The following PVT1 variants were observed in gnomAD, a reference collection of about 807,000 sequenced individuals.
The protein encoded by PVT1 is CXCR4/PVT1 fusion.
intron 3 of PVT1, among the ~76,000 whole-genome samples, chr8:127,987,162 A>G (rs1274989099): frequency 6.6e-6 from 1 of 152,220 alleles, no homozygotes; most frequent in African/African-American, 2.4e-5. Context: ...AATGTCCTCT[A>G]CAGAATTTGC....
At chr8:127,809,055 AG>A (rs369081843) in intron 2 of PVT1, among the ~76,000 whole-genome samples, 14,892 of 101,492 alleles carry the variant, frequency 0.15, 1,649 homozygotes, top group Non-Finnish European at 0.21. Flanking sequence ...AAAAAAAAAA[AG>A]AAAGAAAAAA....
chr8:127,988,680 A>C (rs894814059), intron 3 of PVT1, among the ~76,000 whole-genome samples: 1 of 152,244 alleles, frequency 6.6e-6, no homozygotes, highest in African/African-American at 2.4e-5. Flanking sequence ...CAACAAAATT[A>C]ATCTGATGCA....
At chr8:128,080,935 G>T (rs2130151389) in intron 5 of PVT1, among the ~76,000 whole-genome samples, 1 of 152,212 alleles carries the variant, frequency 6.6e-6, no homozygotes, top group South Asian at 2.1e-4. Context: ...ATGAATGTCT[G>T]GTTGTTTCAG....
intron 3 of PVT1, among the ~76,000 whole-genome samples, chr8:127,924,463 A>C (rs1180308844): frequency 6.7e-6 from 1 of 148,858 alleles, no homozygotes; most frequent in Non-Finnish European, 1.5e-5. Flanking sequence ...CCTCCCGAGT[A>C]GCTGAGACTA....
intron 3 of PVT1, among the ~76,000 whole-genome samples, chr8:127,985,008 TCCTTCCTTC>T (rs1816946640): frequency 7.3e-6 from 1 of 137,472 alleles, no homozygotes; most frequent in Admixed American, 7.2e-5. Context: ...CTTCCTTCCT[TCCTTCCTTC>T]CTTCCTTCCT....
intron 2 of PVT1, among the ~76,000 whole-genome samples, chr8:127,879,579 G>C (rs114591716): frequency 6.6e-6 from 1 of 152,060 alleles, no homozygotes; most frequent in African/African-American, 2.4e-5. Flanking sequence ...CAAAGTCTCC[G>C]GAGGCAGTGC....
chr8:128,037,042 C>G (rs1212587770), intron 4 of PVT1, among the ~76,000 whole-genome samples: 1 of 152,212 alleles, frequency 6.6e-6, no homozygotes, highest in Non-Finnish European at 1.5e-5. Context: ...TGCCTGGGCC[C>G]CTCTCCTCCT....
chr8:128,021,540 T>G (rs540160371), intron 4 of PVT1, among the ~76,000 whole-genome samples: 2,700 of 151,964 alleles, frequency 0.018, 84 homozygotes, highest in African/African-American at 0.061. Flanking sequence ...TGATCCGCCC[T>G]CCTCGGCCTC....
chr8:128,068,199 G>A (rs1275058161), intron 4 of PVT1, among the ~76,000 whole-genome samples: 1 of 151,460 alleles, frequency 6.6e-6, no homozygotes, highest in African/African-American at 2.4e-5. Flanking sequence ...TTCATTTGTT[G>A]TTCCTGTTTT....
At chr8:127,929,909 C>T (rs1022856462) in intron 3 of PVT1, among the ~76,000 whole-genome samples, 24 of 152,248 alleles carry the variant, frequency 1.6e-4, no homozygotes, top group African/African-American at 5.8e-4. Flanking sequence ...TGGCTGGGAG[C>T]GTTAGATGTT....
intron 3 of PVT1, among the ~76,000 whole-genome samples, chr8:127,920,366 A>C (rs1816041777): frequency 6.6e-6 from 1 of 152,240 alleles, no homozygotes; most frequent in African/African-American, 2.4e-5. Context: ...TCTGTGGGTT[A>C]CCCAGAAGCC....
chr8:127,919,059 T>G (rs1421639077), intron 3 of PVT1, among the ~76,000 whole-genome samples: 1 of 152,194 alleles, frequency 6.6e-6, no homozygotes, highest in African/African-American at 2.4e-5. Context: ...GTGAAGGCAG[T>G]GCGCGTTGGG....
chr8:127,895,448 G>C (rs1050060393), intron 3 of PVT1, among the ~76,000 whole-genome samples: 2 of 152,000 alleles, frequency 1.3e-5, no homozygotes, highest in Admixed American at 6.6e-5. Flanking sequence ...TCCAGCCTGC[G>C]TGACAAACTG....
intron 5 of PVT1, among the ~76,000 whole-genome samples, chr8:128,084,259 C>T (rs1005414390): frequency 7.9e-5 from 12 of 152,192 alleles, no homozygotes; most frequent in Non-Finnish European, 1.5e-4. Context: ...CCACTTTCCC[C>T]CTTGTTTATT....
chr8:127,907,354 C>T (rs912150324), intron 3 of PVT1, among the ~76,000 whole-genome samples: 1 of 152,184 alleles, frequency 6.6e-6, no homozygotes, highest in Non-Finnish European at 1.5e-5. Context: ...TGACAGGGCT[C>T]TGGTCCCAGA....
At chr8:128,012,571 C>T (rs1215212952) in intron 4 of PVT1, among the ~76,000 whole-genome samples, 1 of 152,170 alleles carries the variant, frequency 6.6e-6, no homozygotes, top group Non-Finnish European at 1.5e-5. Flanking sequence ...CCAACGTTGG[C>T]CCTGTTGGGT....
At chr8:127,885,159 G>A (rs1035428722) in intron 2 of PVT1, among the ~76,000 whole-genome samples, 7 of 152,120 alleles carry the variant, frequency 4.6e-5, no homozygotes, top group African/African-American at 1.4e-4. Flanking sequence ...AGGGCTGGCA[G>A]GTCTTGGTGG....
rs563041230 is a variant in PVT1, at chr8:128,056,367, A to G, written n.913-13793A>G. Among the ~76,000 whole-genome samples the G allele has an allele frequency of 1.5e-3, 221 of 152,366 alleles. 1 individual carries two copies. The highest frequency in any genetic ancestry group is 2.6e-3 in the Non-Finnish European group (176 of 68,030). ...TGAATGTGCAGGTATGTATACTCAT[A>G]TATGCATACATATGTGTCTGCGTAT... On this transcript the variant is annotated intron_variant and non_coding_transcript_variant, in intron 4 of 10. Transcript: ENST00000651587.
chr8:127,838,876 T>C (rs1409158503), intron 2 of PVT1, among the ~76,000 whole-genome samples: 1 of 152,138 alleles, frequency 6.6e-6, no homozygotes, highest in Non-Finnish European at 1.5e-5. Flanking sequence ...GGACCGTATA[T>C]ACAACGGTGG....
Sources: allele counts gnomAD v4.1 joint callset (sites outside exome capture counted in the v4.1 genomes callset), GRCh38; gene constraint gnomAD v4.1.1; transcripts MANE v1.5; gene names NCBI Gene and HGNC (gene_info 2026-07-23, HGNC 2026-07-21).